The following FGF12 variants were observed in gnomAD, a reference collection of about 807,000 sequenced individuals.
FGF12 encodes the protein fibroblast growth factor 12, also known as fibroblast growth factor 12B.
Under a neutral mutation model 23.6 loss-of-function variants are expected in FGF12, and 14 were observed. The ratio of observed to expected loss-of-function variants is 0.59; its 90% CI spans 0.39 to 0.93. The LOEUF (loss-of-function observed/expected upper bound fraction) is 0.93, where lower values mean the gene tolerates loss of function less well. FGF12 is among the 40% of genes least tolerant of loss of function. The pLI, the probability that FGF12 is intolerant of heterozygous loss-of-function variation, is 0.00. For synonymous variants in FGF12, 62 were observed against 77.3 expected (o/e 0.80, Z 1.04); for missense variants, 175 against 217.8 (o/e 0.80, Z 1.24).
At chr3:192,213,899 A>G (rs1718059329) in intron 4 of FGF12, among the ~76,000 whole-genome samples, 1 of 152,234 alleles carries the variant, frequency 6.6e-6, no homozygotes. Flanking sequence ...AGCTGTGGGC[A>G]TTTGACTGTG....
At chr3:192,314,170 G>A (rs1184061558) in intron 4 of FGF12, among the ~76,000 whole-genome samples, 1 of 151,998 alleles carries the variant, frequency 6.6e-6, no homozygotes, top group Non-Finnish European at 1.5e-5. Context: ...TGTGAGAAAT[G>A]AATGTCCATT....
intron 2 of FGF12, among the ~76,000 whole-genome samples, chr3:192,500,443 CA>C (rs1553822191): frequency 6.7e-6 from 1 of 150,344 alleles, no homozygotes; most frequent in African/African-American, 2.4e-5. Flanking sequence ...AACATCCCCC[CA>C]CCCGCCACAC....
intron 4 of FGF12, among the ~76,000 whole-genome samples, chr3:192,306,524 A>C (rs1225796100): frequency 6.6e-6 from 1 of 152,170 alleles, no homozygotes; most frequent in Non-Finnish European, 1.5e-5. Flanking sequence ...AGGCTGAGGC[A>C]GGAGGATTGC....
intron 4 of FGF12, among the ~76,000 whole-genome samples, chr3:192,210,719 A>G (rs556460828): frequency 6.7e-6 from 1 of 148,544 alleles, no homozygotes; most frequent in South Asian, 2.1e-4. Context: ...ACCATCGCGG[A>G]GCTTATATTC....
chr3:192,454,631 G>A (rs1722624909), intron 2 of FGF12, among the ~76,000 whole-genome samples: 1 of 152,180 alleles, frequency 6.6e-6, no homozygotes, highest in African/African-American at 2.4e-5. Flanking sequence ...AACACAGCAA[G>A]GTGTCAAAGG....
At chr3:192,276,567 C>A (rs139868700) in intron 4 of FGF12, among the ~76,000 whole-genome samples, 231 of 152,196 alleles carry the variant, frequency 1.5e-3, no homozygotes, top group African/African-American at 5.3e-3. Context: ...CAACTGAAGG[C>A]CTCAGAATCC....
At chr3:192,258,510 A>G (rs1365024191) in intron 4 of FGF12, among the ~76,000 whole-genome samples, 2 of 152,306 alleles carry the variant, frequency 1.3e-5, no homozygotes, top group Non-Finnish European at 2.9e-5. Context: ...AAAACAGTAT[A>G]GTTTGTTTAT....
At chr3:192,687,125 A>T (rs543207601) in intron 2 of FGF12, among the ~76,000 whole-genome samples, 7 of 150,668 alleles carry the variant, frequency 4.6e-5, no homozygotes, top group Admixed American at 1.3e-4. Context: ...CACCGTGCCC[A>T]GCCCTCTGAT....
At chr3:192,705,806 C>A (rs1018144497) in intron 2 of FGF12, among the ~76,000 whole-genome samples, 1 of 152,128 alleles carries the variant, frequency 6.6e-6, no homozygotes, top group African/African-American at 2.4e-5. Flanking sequence ...TACAATGACA[C>A]GAGGCATCCC....
In FGF12 at chr3:192,361,390, T is replaced by G. The variant is rs578191585; in HGVS notation, c.14-852A>C. 6.6e-5 allele frequency among the ~76,000 whole-genome samples: 10 copies of G among 152,252 alleles called. No individual in the cohort carries two copies. The South Asian group carries it at 2.1e-3, about 32-fold the overall frequency. On this transcript the variant is annotated intron_variant, in intron 2 of 5. Transcript: ENST00000445105. ...ATCTAGTTTCCACCGCATCACCATT[T>G]TTGTCTCTATTGTTGAGCAAAAATG...
intron 3 of FGF12, among the ~76,000 whole-genome samples, chr3:192,358,623 A>G (rs1170639440): frequency 6.6e-6 from 1 of 152,044 alleles, no homozygotes; most frequent in Non-Finnish European, 1.5e-5. Context: ...AAGCGTTGTC[A>G]ATTATTTTCC....
intron 2 of FGF12, among the ~76,000 whole-genome samples, chr3:192,468,780 C>T (rs559429512): frequency 6.6e-5 from 10 of 152,148 alleles, no homozygotes; most frequent in African/African-American, 2.4e-4. Context: ...TCAAAAACTT[C>T]CCCCTGATTT....
At chr3:192,154,909 C>G (rs2108592919) in intron 5 of FGF12, among the ~76,000 whole-genome samples, 1 of 136,664 alleles carries the variant, frequency 7.3e-6, no homozygotes, top group Admixed American at 7.3e-5. Context: ...GCCCCTCCCC[C>G]AGCCTCGCTG....
intron 2 of FGF12, among the ~76,000 whole-genome samples, chr3:192,493,787 AAGGG>A (rs1166560157): frequency 1.3e-5 from 2 of 152,138 alleles, no homozygotes; most frequent in Non-Finnish European, 1.5e-5. Flanking sequence ...GAACAGCACC[AAGGG>A]GGATGGTGTT....
intron 4 of FGF12, among the ~76,000 whole-genome samples, chr3:192,314,471 T>C (rs1021252477): frequency 6.6e-6 from 1 of 152,160 alleles, no homozygotes; most frequent in Non-Finnish European, 1.5e-5. Context: ...CTCTTTCTAC[T>C]GCCTAGAAAG....
chr3:192,711,515 T>G (rs1718679692), intron 2 of FGF12, among the ~76,000 whole-genome samples: 1 of 152,028 alleles, frequency 6.6e-6, no homozygotes, highest in African/African-American at 2.4e-5. Flanking sequence ...AAGGGGGAAA[T>G]GTGGGGAAAA....
intron 2 of FGF12, among the ~76,000 whole-genome samples, chr3:192,697,841 T>C (rs1459684417): frequency 6.6e-6 from 1 of 152,212 alleles, no homozygotes; most frequent in African/African-American, 2.4e-5. Context: ...CTCTCCCAAA[T>C]AGACCATTGT....
Position 192,302,109 on chromosome 3 carries a change from A to G in FGF12, c.228+33252T>C, listed in dbSNP as rs151150396. Among the ~76,000 whole-genome samples the G allele has an allele frequency of 2.8e-3, 424 of 152,304 alleles. 1 individual carries two copies. Among genetic ancestry groups the G allele is most frequent in the African/African-American group, 9.7e-3 (404 of 41,574 alleles). ...ACAACACTTGCTTTGCAGAACAATC[A>G]AGTGACAGGGAGAAAAAAATCTAAC... On this transcript the variant is annotated intron_variant, in intron 4 of 5. Transcript: ENST00000445105.
intron 3 of FGF12, among the ~76,000 whole-genome samples, chr3:192,355,552 C>A (rs145116810): frequency 6.6e-6 from 1 of 152,086 alleles, no homozygotes; most frequent in Non-Finnish European, 1.5e-5. Flanking sequence ...TAATAACACT[C>A]GGCAAGGAGG....
Sources: allele counts gnomAD v4.1 joint callset (sites outside exome capture counted in the v4.1 genomes callset), GRCh38; gene constraint gnomAD v4.1.1; transcripts MANE v1.5; gene names NCBI Gene and HGNC (gene_info 2026-07-23, HGNC 2026-07-21).